TPCN2: variants seen among roughly 807,000 people sequenced by gnomAD.
The protein encoded by TPCN2 is two pore channel protein 2.
In TPCN2, 92 loss-of-function variants were observed where a neutral mutation model predicts 111.4. That is an observed-to-expected ratio of 0.83 (90% CI 0.70 to 0.98). TPCN2 has a LOEUF of 0.98. Ranked by LOEUF, TPCN2 falls within the 50% of genes least tolerant of loss-of-function variation. The pLI is 0.00. For missense variants in TPCN2, 995 were observed against 980.1 expected (o/e 1.02, Z -0.20); for synonymous variants, 405 against 414.5 (o/e 0.98, Z 0.28).
rs1019521511 is a variant in TPCN2 at position 69,084,091 on chromosome 11, C to T, written c.1761+75C>T. The T allele has an allele frequency of 3.8e-5, 55 of 1,448,414 alleles. 1 individual carries two copies. Among genetic ancestry groups the T allele is most frequent in the African/African-American group, 2.1e-4 (15 of 72,192 alleles). 89.7% of individuals were successfully genotyped at this position (1,448,414 alleles called of 1,614,324 possible). ...CTGGGAGGCTGGCGGAAGGCAGTGC[C>T]GGGCCGGCTCACTGCTCTGTCGGTA... On this transcript the variant is annotated intron_variant, in intron 19 of 24. Coordinates refer to ENST00000294309, the MANE Select transcript of TPCN2 (RefSeq NM_139075.4).
In TPCN2 at chr11:69,078,505, G is replaced by T. The variant is rs367659763; in HGVS notation, c.1254G>T (p.Gln418His). Residue 418 changes from glutamine (Q) to histidine (H), a missense_variant, in exon 14 of 25, where the codon CAG becomes CAT. Transcript: ENST00000294309. ...VKEHPPRPEY[Q>H]SPFLQSAQFL... The stretch of plus-strand genomic sequence containing the variant: ...AGCACCCGCCGAGGCCCGAGTACCA[G>T]TCTCCGTTTCTGCAGAGCGCCCAGT... 4.3e-6 allele frequency: 7 copies of T among 1,614,036 alleles called. No individual in the cohort carries two copies. In the African/African-American group the frequency reaches 9.3e-5, roughly 22 times the overall value.
chr11:69,087,369 G>A (rs1590757908), intron 24 of TPCN2, among the ~76,000 whole-genome samples, 163 bp downstream of exon 24: 3 of 152,192 alleles, frequency 2.0e-5, no homozygotes, highest in South Asian at 2.1e-4. Flanking sequence ...GCTCAGAGCC[G>A]GGATCGGGGC....
rs1856085075 is a variant in TPCN2, at chr11:69,082,733, TC to T, written c.1690-1211del. Among the ~76,000 whole-genome samples the T allele has an allele frequency of 7.8e-5, 5 of 64,230 alleles. 1 individual carries two copies. Among genetic ancestry groups the T allele is most frequent in the African/African-American group, 2.9e-4 (5 of 17,318 alleles). 42.1% of individuals were successfully genotyped at this position (64,230 alleles called of 152,430 possible). A position where few individuals can be genotyped will look rare whatever the true frequency, so the allele number is the denominator to read the frequency against. ...ATCGCGTGCAGATATCCATGTGAAC[TC>T]GTGCCCGTGTAAGACGCATGATCGT... On this transcript the variant is annotated intron_variant, in intron 18 of 24. Coordinates refer to ENST00000294309, the MANE Select transcript of TPCN2 (RefSeq NM_139075.4).
chr11:69,072,040 G>T lies in TPCN2; in HGVS notation c.1061+17G>T. ...CCCTCAGGCGTGAGTGCTGGGCATG[G>T]ACCCTCTTCTCCCTGAGGGTGGGTG... On this transcript the variant is annotated intron_variant, in intron 11 of 24. Coordinates refer to ENST00000294309, the MANE Select transcript of TPCN2 (RefSeq NM_139075.4). 1 of 1,601,148 alleles carries T rather than the reference G, an allele frequency of 6.2e-7. No homozygotes were observed. Among genetic ancestry groups the T allele is most frequent in the African/African-American group, 1.3e-5 (1 of 74,772 alleles).
At chr11:69,066,279 C>T (rs933921925) in intron 7 of TPCN2, among the ~76,000 whole-genome samples, 1 of 152,140 alleles carries the variant, frequency 6.6e-6, no homozygotes, top group Non-Finnish European at 1.5e-5. Flanking sequence ...AGCCTGCCCT[C>T]CAGGCCTCGG....
rs770642111 is a variant in TPCN2 at position 69,071,990 on chromosome 11, C to A, written c.1028C>A (p.Ser343Tyr). 2 of 1,613,964 alleles carry A rather than the reference C, an allele frequency of 1.2e-6. No individual in the cohort carries two copies. Among genetic ancestry groups the A allele is most frequent in the Non-Finnish European group, 8.5e-7 (1 of 1,179,966 alleles). The change falls in exon 11 of 25, where the codon TCC becomes TAC. Residue 343 changes from serine to tyrosine, a missense_variant. Physicochemically the swap from Ser to Tyr is moderately radical, Grantham distance 144 (BLOSUM62 -2). Coordinates refer to ENST00000294309, the MANE Select transcript of TPCN2 (RefSeq NM_139075.4). The part of the protein sequence containing the change: ...GTRAAFEVLS[S>Y]MVGEGGAFPQ... Reference sequence around the variant, plus strand: ...CGGGCTGCCTTTGAAGTCCTATCCTCCATGGTGGGGGAGGGAGGAGCCTTC... The same window carrying A: ...CGGGCTGCCTTTGAAGTCCTATCCTACATGGTGGGGGAGGGAGGAGCCTTC...
At chr11:69,069,282 A>G (rs1855411025) in intron 8 of TPCN2, among the ~76,000 whole-genome samples, 1 of 61,750 alleles carries the variant, frequency 1.6e-5, no homozygotes, top group Non-Finnish European at 3.7e-5. Context: ...CCGCACTGGG[A>G]GCAGGACCGT....
In TPCN2 at chr11:69,072,039, G is replaced by C. The variant is rs767288213; in HGVS notation, c.1061+16G>C. 314 of 1,603,032 alleles carry C rather than the reference G, an allele frequency of 2.0e-4. No homozygotes were observed. Among genetic ancestry groups the C allele is most frequent in the Non-Finnish European group, 2.6e-4 (306 of 1,171,396 alleles). ...TCCCTCAGGCGTGAGTGCTGGGCAT[G>C]GACCCTCTTCTCCCTGAGGGTGGGT... On this transcript the variant is annotated intron_variant, in intron 11 of 24. Coordinates refer to ENST00000294309, the MANE Select transcript of TPCN2 (RefSeq NM_139075.4).
chr11:69,063,776 T>C, intron 6 of TPCN2, 119 bp from the exon 7 acceptor site: 1 of 915,564 alleles, frequency 1.1e-6, no homozygotes, highest in South Asian at 1.4e-5. Flanking sequence ...AGCTGCTGCC[T>C]GGATCCACCC....
chr11:69,067,293 G>A (rs767495916), intron 7 of TPCN2, among the ~76,000 whole-genome samples: 55 of 152,236 alleles, frequency 3.6e-4, no homozygotes, highest in Admixed American at 2.6e-3. Flanking sequence ...GTGTCCATGC[G>A]GGTGAGCGGT....
intron 4 of TPCN2, among the ~76,000 whole-genome samples, 166 bp from the exon 5 acceptor site, chr11:69,057,412 G>A (rs1854820972): frequency 6.6e-6 from 1 of 152,266 alleles, no homozygotes; most frequent in South Asian, 2.1e-4. Context: ...GGCTTGGGCG[G>A]GAGCTCGGGC....
At chr11:69,058,722 G>A (rs1376300779) in intron 5 of TPCN2, among the ~76,000 whole-genome samples, 1 of 152,232 alleles carries the variant, frequency 6.6e-6, no homozygotes, top group African/African-American at 2.4e-5. Flanking sequence ...GTGCTGCTGC[G>A]GGGCCTCCGT....
intron 11 of TPCN2, 21 bp downstream of exon 11, chr11:69,072,044 C>G (rs540457758): frequency 6.3e-7 from 1 of 1,596,284 alleles, no homozygotes; most frequent in Admixed American, 1.7e-5. Flanking sequence ...GGCATGGACC[C>G]TCTTCTCCCT....
chr11:69,060,602 G>T (rs1039053386), intron 5 of TPCN2, among the ~76,000 whole-genome samples: 6 of 152,286 alleles, frequency 3.9e-5, no homozygotes, highest in Non-Finnish European at 7.3e-5. Flanking sequence ...GTCCTTGGAG[G>T]CTAGTCACCT....
intron 5 of TPCN2, among the ~76,000 whole-genome samples, chr11:69,058,459 G>C (rs1366825147): frequency 6.6e-6 from 1 of 152,166 alleles, no homozygotes; most frequent in East Asian, 1.9e-4. Context: ...CCTCTGGGAG[G>C]GGGTGCTGTC....
Position 69,085,195 on chromosome 11 carries a change from C to T in TPCN2, c.1762-15C>T. 3 of 1,613,908 alleles carry T rather than the reference C, an allele frequency of 1.9e-6. No homozygotes were observed. Among genetic ancestry groups the T allele is most frequent in the Non-Finnish European group, 2.5e-6 (3 of 1,179,794 alleles). On this transcript the variant is annotated splice_polypyrimidine_tract_variant and intron_variant, in intron 19 of 24. Coordinates refer to ENST00000294309, the MANE Select transcript of TPCN2 (RefSeq NM_139075.4). ...ATGGGTGGGGCTGATCAGTCCCCGG[C>T]TCCTGGCCCGCCAGGTGGTCTACTA...
In TPCN2 at chr11:69,078,877, T is replaced by A. The variant is rs1420057931; in HGVS notation, c.1411-15T>A. 6.2e-7 allele frequency: 1 copy of A among 1,613,896 alleles called. No homozygotes were observed. The highest frequency in any genetic ancestry group is 8.5e-7 in the Non-Finnish European group (1 of 1,179,974). ...CCTGGGGCCCAATGCTGGGTGCCTC[T>A]TCTGCCCCTTTCAGATTCTCAACTG... On this transcript the variant is annotated splice_polypyrimidine_tract_variant and intron_variant, in intron 15 of 24. Transcript: ENST00000294309.
At chr11:69,054,909 C>T in intron 3 of TPCN2, 112 bp downstream of exon 3, 2 of 1,105,862 alleles carry the variant, frequency 1.8e-6, no homozygotes, top group Non-Finnish European at 2.7e-6. Flanking sequence ...CTCCCCACTA[C>T]ATAGATAGGG....
In TPCN2 at chr11:69,072,954, G is replaced by C. The variant is rs1213111815; in HGVS notation, c.1183G>C (p.Glu395Gln). ...SYGSVLLSAE[E>Q]FQKLFNELDR... is the part of the protein sequence containing the mutation. ...TGGCAGTGTTCTGCTCTCAGCTGAG[G>C]AGTTTCAGAAGCTCTTCAACGAGCT... The change falls in exon 13 of 25, where the codon GAG becomes CAG. Residue 395 changes from glutamate (E) to glutamine (Q), a missense_variant. By Grantham distance (29) the Glu-to-Gln change is conservative (BLOSUM62 2). Coordinates refer to ENST00000294309, the MANE Select transcript of TPCN2 (RefSeq NM_139075.4). 1.1e-5 allele frequency: 17 copies of C among 1,614,024 alleles called. No homozygotes were observed. Among genetic ancestry groups the C allele is most frequent in the Middle Eastern group, 1.7e-4 (1 of 6,060 alleles).
Sources: allele counts gnomAD v4.1 joint callset (sites outside exome capture counted in the v4.1 genomes callset), GRCh38; gene constraint gnomAD v4.1.1; transcripts MANE v1.5; gene names NCBI Gene and HGNC (gene_info 2026-07-23, HGNC 2026-07-21).